The following TNS1 variants were observed in gnomAD, a reference collection of about 807,000 sequenced individuals.
TNS1 encodes tensin 1.
Under a neutral mutation model 168.6 loss-of-function variants are expected in TNS1, and 62 were observed. The observed-to-expected ratio is 0.37, with a 90% confidence interval of 0.30 to 0.45. TNS1 has a LOEUF of 0.45. Among genes scored for constraint, TNS1 ranks in the 20% least tolerant of loss-of-function variants. TNS1 has a pLI of 1.00. For missense variants in TNS1, 2,240 were observed against 2,339.4 expected, an observed-to-expected ratio of 0.96 and a Z score of 0.88; for synonymous variants, 934 against 933.2, an observed-to-expected ratio of 1.00 and a Z score of -0.02.
At chr2:217,897,642 C>G (rs953971670) in intron 8 of TNS1, among the ~76,000 whole-genome samples, 156 bp downstream of exon 8, 6 of 152,150 alleles carry the variant, frequency 3.9e-5, no homozygotes, top group African/African-American at 1.4e-4. Context: ...ATTGAAGACT[C>G]AGGCACGAGA....
intron 22 of TNS1, 60 bp from the exon 23 acceptor site, chr2:217,821,998 C>T: frequency 6.9e-7 from 1 of 1,453,996 alleles, no homozygotes; most frequent in South Asian, 1.3e-5. Flanking sequence ...CAGTGCAGGT[C>T]CCCCCCAACC....
intron 1 of TNS1, among the ~76,000 whole-genome samples, chr2:218,008,363 G>A (rs1383453095): frequency 6.6e-6 from 1 of 152,246 alleles, no homozygotes; most frequent in Non-Finnish European, 1.5e-5. Flanking sequence ...AGAGTGGAGT[G>A]AAGTGGTTCC....
At chr2:217,992,926 T>A (rs927492657) in intron 1 of TNS1, among the ~76,000 whole-genome samples, 1 of 152,184 alleles carries the variant, frequency 6.6e-6, no homozygotes, top group Non-Finnish European at 1.5e-5. Flanking sequence ...TTGCTGACGA[T>A]CAGAAATGCA....
intron 1 of TNS1, among the ~76,000 whole-genome samples, chr2:218,031,572 T>G (rs1472175433): frequency 6.8e-6 from 1 of 148,134 alleles, no homozygotes; most frequent in African/African-American, 2.7e-5. Context: ...TGTCTGTGTG[T>G]GTGTGCACCT....
intron 19 of TNS1, among the ~76,000 whole-genome samples, chr2:217,836,412 T>C (rs1945186485): frequency 6.6e-6 from 1 of 152,074 alleles, no homozygotes; most frequent in Admixed American, 6.5e-5. Context: ...GGAGAGGGGA[T>C]CTGCTTAGAT....
intron 18 of TNS1, among the ~76,000 whole-genome samples, chr2:217,852,568 T>C (rs1427235906): frequency 1.3e-5 from 2 of 152,174 alleles, no homozygotes; most frequent in Non-Finnish European, 2.9e-5. Context: ...CCCTGCAGCA[T>C]CTCAGTCATG....
chr2:217,844,991 A>G (rs1946453106), intron 19 of TNS1, among the ~76,000 whole-genome samples: 1 of 152,242 alleles, frequency 6.6e-6, no homozygotes, highest in Non-Finnish European at 1.5e-5. Context: ...TGGCTCTAAT[A>G]GGAACGCTTC....
At chr2:217,869,461 A>T (rs115034629) in intron 18 of TNS1, among the ~76,000 whole-genome samples, 101 of 152,264 alleles carry the variant, frequency 6.6e-4, no homozygotes, top group African/African-American at 2.3e-3. Flanking sequence ...CTGAATGGGG[A>T]AGCTGGAGGG....
chr2:217,852,193 T>C (rs1293173206), intron 18 of TNS1, among the ~76,000 whole-genome samples: 3 of 152,182 alleles, frequency 2.0e-5, no homozygotes, highest in African/African-American at 7.2e-5. Flanking sequence ...GGCAAAGCAC[T>C]GAAGACAGGA....
chr2:217,812,360 G>C lies in TNS1; in HGVS notation c.5032+8C>G. 2 of 1,613,120 alleles carry C rather than the reference G, an allele frequency of 1.2e-6. No individual in the cohort carries two copies. Among genetic ancestry groups the C allele is most frequent in the Non-Finnish European group, 1.7e-6 (2 of 1,179,282 alleles). ...GTGGGTGGTGAGCCAGGAGTCTCAC[G>C]TTCCTACCTCGGTTTGGAATGACCA... On this transcript the variant is annotated splice_region_variant and intron_variant, in intron 28 of 32. Transcript: ENST00000682258.
rs750475531 is a variant in TNS1 at position 217,848,004 on chromosome 2, T to C, written c.2513A>G (p.Asn838Ser). The stretch of plus-strand genomic sequence containing the variant: ...TGGCTCCAGGTCCAGCATCAGCATA[T>C]TGAGTGTTTCGATGGACTGTTCAAT... The part of the protein sequence containing the change: ...QEIEQSIETL[N>S]MLMLDLEPAS... Residue 838 changes from asparagine (N) to serine (S), a missense_variant, in exon 19 of 33, where the codon AAT becomes AGT. By Grantham distance (46) the Asn-to-Ser change is conservative. Transcript: ENST00000682258. 7.3e-6 allele frequency: 11 copies of C among 1,514,226 alleles called. No homozygotes were observed. The Admixed American group carries it at 1.3e-4, about 18-fold the overall frequency. 93.8% of individuals were successfully genotyped at this position (1,514,226 alleles called of 1,614,324 possible).
At chr2:217,907,577 T>C (rs1184814001) in intron 4 of TNS1, among the ~76,000 whole-genome samples, 1 of 152,248 alleles carries the variant, frequency 6.6e-6, no homozygotes, top group Non-Finnish European at 1.5e-5. Flanking sequence ...GCATCTCATT[T>C]ATTCCCAAGA....
rs3815849 is a variant in TNS1, at chr2:217,848,746, G to C, written c.1771C>G (p.Arg591Gly). Reference protein sequence around the residue: ...AMYHTQHLRSRPAGGSAVPSS... With the variant: ...AMYHTQHLRSGPAGGSAVPSS... ...GGCACAGCCGAGCCCCCTGCTGGGC[G>C]GGACCTGAGGTGCTGGGTGTGGTAC... is the stretch of plus-strand genomic sequence containing the variant. Residue 591 changes from arginine (R) to glycine (G), a missense_variant, in exon 19 of 33, where the codon CGC (arginine) becomes GGC (glycine). Arg to Gly is a moderately radical substitution (Grantham distance 125, BLOSUM62 -2). Transcript: ENST00000682258. The C allele has an allele frequency of 6.2e-7, 1 of 1,614,198 alleles. No homozygotes were observed. Among genetic ancestry groups the C allele is most frequent in the South Asian group, 1.1e-5 (1 of 91,088 alleles).
At chr2:218,022,752 A>G (rs1958816845) in intron 1 of TNS1, among the ~76,000 whole-genome samples, 1 of 89,248 alleles carries the variant, frequency 1.1e-5, no homozygotes, top group African/African-American at 4.4e-5. Context: ...AGGCAGCTAA[A>G]GGGCTTAGGG....
chr2:217,809,988 C>G lies in TNS1; in HGVS notation c.5108G>C (p.Cys1703Ser). 6.2e-7 allele frequency: 1 copy of G among 1,610,354 alleles called. No individual in the cohort carries two copies. Among genetic ancestry groups the G allele is most frequent in the Non-Finnish European group, 8.5e-7 (1 of 1,177,250 alleles). The stretch of plus-strand genomic sequence containing the variant: ...CACAGAGTTGACGAAGAGCACATTG[C>G]AGGCTGGAAGAAACCAACCCAAGGG... ...TADLLKQGAA[C>S]NVLFVNSVDM... Residue 1703 changes from cysteine to serine, a missense_variant, in exon 30 of 33, where the codon TGC (cysteine) becomes TCC (serine). Transcript: ENST00000682258.
chr2:218,031,424 TAA>T (rs1276844336), intron 1 of TNS1, among the ~76,000 whole-genome samples: 3 of 150,574 alleles, frequency 2.0e-5, no homozygotes, highest in Non-Finnish European at 4.4e-5. Context: ...CCTGTGTGTA[TAA>T]GTGTGTGTGT....
At chr2:217,888,503 A>G (rs116336324) in intron 12 of TNS1, among the ~76,000 whole-genome samples, 66 of 152,306 alleles carry the variant, frequency 4.3e-4, no homozygotes, top group Non-Finnish European at 7.3e-4. Context: ...ACGAGATGAT[A>G]TGGTTTGGCT....
intron 3 of TNS1, among the ~76,000 whole-genome samples, chr2:217,971,650 CTG>C (rs1252736846): frequency 1.3e-5 from 2 of 152,222 alleles, no homozygotes; most frequent in Admixed American, 6.5e-5. Flanking sequence ...AATGGCCAAA[CTG>C]TTTCTAGAGC....
Position 217,813,829 on chromosome 2 carries a change from G to A in TNS1, c.4730-13C>T, listed in dbSNP as rs1941417290. On this transcript the variant is annotated splice_polypyrimidine_tract_variant and intron_variant, in intron 25 of 32. Transcript: ENST00000682258. This position sits in a 1 kb window ranked among gnomAD's most constrained non-coding sequence, Gnocchi z 4.0. ...AGGAGCGCGATGGCTGCATGGGGAA[G>A]GGACAAGGAGAGAGGAGGAAGCAAG... 6.3e-7 allele frequency: 1 copy of A among 1,591,506 alleles called. No homozygotes were observed. Among genetic ancestry groups the A allele is most frequent in the African/African-American group, 1.4e-5 (1 of 73,954 alleles).
Sources: gnomAD v4.1 joint callset for allele counts (sites outside exome capture counted in the v4.1 genomes callset) on GRCh38, gnomAD v4.1.1 for gene constraint, Gnocchi (gnomAD v3.1) non-coding constraint, MANE v1.5 for transcripts, NCBI Gene and HGNC (gene_info 2026-07-23, HGNC 2026-07-21) for gene names.